The following ALDOB variants were observed in gnomAD, a reference collection of about 807,000 sequenced individuals.
ALDOB encodes fructose-bisphosphate aldolase B.
ALDOB carries 39 observed loss-of-function variants against 41.0 expected under a neutral mutation model. The observed-to-expected ratio is 0.95, with a 90% CI of 0.74 to 1.24. The LOEUF is 1.24. ALDOB is among the 50% of genes most tolerant of loss of function. The probability of loss-of-function intolerance (pLI) is 0.00; values close to 1 mark genes in which losing one functional copy is unlikely to be tolerated. For synonymous variants in ALDOB, 175 were observed against 168.8 expected, an observed-to-expected ratio of 1.04 and a Z score of -0.28; for missense variants, 530 against 457.3, an observed-to-expected ratio of 1.16 and a Z score of -1.45.
chr9:101,428,901 C>T (rs1381976628), intron 3 of ALDOB, among the ~76,000 whole-genome samples: 1 of 152,184 alleles, frequency 6.6e-6, no homozygotes, highest in African/African-American at 2.4e-5. Context: ...GTTCAGTTTT[C>T]TCACTTCATC....
At chr9:101,431,338 G>A (rs1484839664) in intron 1 of ALDOB, among the ~76,000 whole-genome samples, 1 of 152,320 alleles carries the variant, frequency 6.6e-6, no homozygotes, top group East Asian at 1.9e-4. Flanking sequence ...TGCTCTGTTA[G>A]TCTGTAGTTC....
chr9:101,425,008 C>G lies in ALDOB; in HGVS notation c.834G>C (p.Glu278Asp). ...ICFLSGGMSE[E>D]DATLNLNAIN... ...TAGCATTGAGGTTGAGAGTGGCATC[C>G]TCTTCACTCATGCCACCAGACAAAA... Residue 278 changes from glutamate to aspartate, a missense_variant, in exon 8 of 9, where the codon GAG (glutamate) becomes GAC (aspartate). By Grantham distance (45) the Glu-to-Asp change is conservative. Coordinates refer to ENST00000647789, the MANE Select transcript of ALDOB (RefSeq NM_000035.4). The G allele has an allele frequency of 2.5e-6, 4 of 1,614,202 alleles. No individual in the cohort carries two copies. Among genetic ancestry groups the G allele is most frequent in the East Asian group, 2.2e-5 (1 of 44,882 alleles).
intron 1 of ALDOB, among the ~76,000 whole-genome samples, chr9:101,432,573 C>CAAT (rs1588173340): frequency 6.6e-6 from 1 of 151,944 alleles, no homozygotes; most frequent in Admixed American, 6.6e-5. Context: ...AAAATCAGCC[C>CAAT]AATAATAATA....
At chr9:101,434,191 C>T (rs959318225) in intron 1 of ALDOB, among the ~76,000 whole-genome samples, 33 of 152,168 alleles carry the variant, frequency 2.2e-4, no homozygotes, top group Non-Finnish European at 4.6e-4. Flanking sequence ...AAAAACAGAG[C>T]TACAAATGAC....
chr9:101,425,029 C>G lies in ALDOB; in HGVS notation c.813G>C (p.Leu271Phe). The change falls in exon 8 of 9, where the codon TTG becomes TTC. Residue 271 changes from leucine to phenylalanine, a missense_variant. By Grantham distance (22) the Leu-to-Phe change is conservative. Transcript: ENST00000647789. ...CATCCTCTTCACTCATGCCACCAGACAAAAAGCAGATGCCTGGTAGGAGAG... is the reference window on the plus strand; with the variant it reads ...CATCCTCTTCACTCATGCCACCAGAGAAAAAGCAGATGCCTGGTAGGAGAG... The part of the protein sequence containing the change: ...VPAAVPGICF[L>F]SGGMSEEDAT... 6.2e-7 allele frequency: 1 copy of G among 1,614,188 alleles called. No individual in the cohort carries two copies. Among genetic ancestry groups the G allele is most frequent in the Non-Finnish European group, 8.5e-7 (1 of 1,180,036 alleles).
chr9:101,433,113 G>T (rs940317568), intron 1 of ALDOB, among the ~76,000 whole-genome samples: 8 of 152,166 alleles, frequency 5.3e-5, no homozygotes, highest in African/African-American at 1.9e-4. Context: ...TGCCATCTAT[G>T]AGCACCCTGC....
At position 101,421,159 on chromosome 9, in the gene ALDOB, ATAGT is replaced by A. The variant is rs768345214; in HGVS notation, c.*646_*649del. 2 of 153,146 alleles carry A rather than the reference ATAGT, an allele frequency of 1.3e-5. No individual in the cohort carries two copies. The highest frequency in any genetic ancestry group is 2.9e-5 in the Non-Finnish European group (2 of 68,722). 9.5% of individuals were successfully genotyped at this position (153,146 alleles called of 1,614,324 possible). On this transcript the variant is annotated 3_prime_UTR_variant, in exon 9 of 9. Transcript: ENST00000647789. ...TACTGAGGGAGCTTTAAGAAATCTAATAGTTAGAGGATCCCAAGTCTAGGGTTTC... is the reference window on the plus strand; with the variant it reads ...TACTGAGGGAGCTTTAAGAAATCTAATAGAGGATCCCAAGTCTAGGGTTTC...
At position 101,428,500 on chromosome 9, in the gene ALDOB, A is replaced by G. The variant is rs1318756245; in HGVS notation, c.348T>C (p.Leu116=). Residue 116 remains leucine, a synonymous_variant, in exon 4 of 9, where the codon CTT becomes CTC. Transcript: ENST00000647789. ...GIKLDQGGAP[L]AGTNKETTIQ... Reference sequence around the variant, plus strand: ...TGGTGGTTTCTTTGTTTGTTCCTGCAAGAGGAGCACCTCCTTGGTCTAACT... The same window carrying G: ...TGGTGGTTTCTTTGTTTGTTCCTGCGAGAGGAGCACCTCCTTGGTCTAACT... 6.2e-7 allele frequency: 1 copy of G among 1,613,934 alleles called. No homozygotes were observed.
At chr9:101,433,269 G>C (rs1831245550) in intron 1 of ALDOB, among the ~76,000 whole-genome samples, 1 of 151,914 alleles carries the variant, frequency 6.6e-6, no homozygotes, top group Non-Finnish European at 1.5e-5. Flanking sequence ...TCTGTTTACT[G>C]CCTATTACTA....
rs370761101 is a variant in ALDOB, at chr9:101,429,909, C to A, written c.170G>T (p.Arg57Leu). The change falls in exon 3 of 9, where the codon CGG becomes CTG. Residue 57 changes from arginine to leucine, a missense_variant. Coordinates refer to ENST00000647789, the MANE Select transcript of ALDOB (RefSeq NM_000035.4). ...AGAGAAGAGGATTTCTCGGAACTGC[C>A]GGCGGTTCTCTTCAGTGTTTTCCAC... is the stretch of plus-strand genomic sequence containing the variant. Reference protein sequence around the residue: ...IKVENTEENRRQFREILFSVD... With the variant: ...IKVENTEENRLQFREILFSVD... 1 of 1,614,058 alleles carries A rather than the reference C, an allele frequency of 6.2e-7. No homozygotes were observed. Among genetic ancestry groups the A allele is most frequent in the South Asian group, 1.1e-5 (1 of 91,064 alleles).
intron 8 of ALDOB, among the ~76,000 whole-genome samples, chr9:101,423,032 C>T (rs1831071573): frequency 6.6e-6 from 1 of 152,218 alleles, no homozygotes; most frequent in Non-Finnish European, 1.5e-5. Context: ...ATGACCTGCG[C>T]TTTCACAATC....
In ALDOB at chr9:101,429,807, C is replaced by T. The variant is rs1470738631; in HGVS notation, c.272G>A (p.Gly91Glu). The change falls in exon 3 of 9, where the codon GGA becomes GAA. Residue 91 changes from glycine to glutamate, a missense_variant. Transcript: ENST00000647789. ...HETLYQKDSQ[G>E]KLFRNILKEK... The stretch of plus-strand genomic sequence containing the variant: ...CTTGAGGATGTTTCTGAACAGCTTT[C>T]CCTGGCTGTCCTTCTGGTAGAGGGT... The T allele has an allele frequency of 1.9e-6, 3 of 1,614,146 alleles. No individual in the cohort carries two copies. Among genetic ancestry groups the T allele is most frequent in the Non-Finnish European group, 2.5e-6 (3 of 1,180,028 alleles).
chr9:101,428,641 A>C (rs1200927157), intron 3 of ALDOB, 118 bp from the exon 4 acceptor site: 8 of 889,038 alleles, frequency 9.0e-6, no homozygotes, highest in Admixed American at 1.7e-5. Context: ...AAAGTGTATT[A>C]GTGCGAGGGA....
chr9:101,427,339 A>G (rs1831146058), intron 5 of ALDOB, 143 bp downstream of exon 5: 1 of 1,054,014 alleles, frequency 9.5e-7, no homozygotes, highest in Non-Finnish European at 1.4e-6. Flanking sequence ...ACAGTTGGCT[A>G]TAGCAAAAGT....
chr9:101,421,929 G>C, intron 8 of ALDOB, 25 bp from the exon 9 acceptor site: 6 of 1,592,846 alleles, frequency 3.8e-6, no homozygotes, highest in Non-Finnish European at 5.2e-6. Flanking sequence ...TGAGAGAGGA[G>C]ACTGGTTAGA....
intron 1 of ALDOB, among the ~76,000 whole-genome samples, chr9:101,433,128 T>C (rs1167189491): frequency 6.6e-6 from 1 of 152,246 alleles, no homozygotes; most frequent in East Asian, 1.9e-4. Context: ...CCCTGCTCAT[T>C]GTAGTTGCTC....
In ALDOB at chr9:101,435,718, G is replaced by C. The variant is rs974344427; in HGVS notation, c.-20C>G. On this transcript the variant is annotated 5_prime_UTR_variant, in exon 1 of 9. Coordinates refer to ENST00000647789, the MANE Select transcript of ALDOB (RefSeq NM_000035.4). Reference sequence around the variant, plus strand: ...AAGCTTTTTTACTTACAGTTTGGGAGAGAAGAGTCCTCCTAGATATCAAAA... The same window carrying C: ...AAGCTTTTTTACTTACAGTTTGGGACAGAAGAGTCCTCCTAGATATCAAAA... 1.3e-5 allele frequency: 2 copies of C among 152,148 alleles called. No individual in the cohort carries two copies. The highest frequency in any genetic ancestry group is 4.8e-5 in the African/African-American group (2 of 41,430). The allele number at this position is 152,148 out of a possible 1,614,324, so 9.4% of individuals were successfully genotyped here.
intron 5 of ALDOB, among the ~76,000 whole-genome samples, chr9:101,426,964 G>C (rs1430607144): frequency 6.6e-6 from 1 of 152,066 alleles, no homozygotes; most frequent in Non-Finnish European, 1.5e-5. Context: ...GTTCTAATTG[G>C]GGATCTCCAG....
At chr9:101,433,481 C>A (rs1266415139) in intron 1 of ALDOB, among the ~76,000 whole-genome samples, 1 of 152,170 alleles carries the variant, frequency 6.6e-6, no homozygotes. Context: ...GGAGGACAAC[C>A]TGGGATGGGT....
Sources: allele counts gnomAD v4.1 joint callset (sites outside exome capture counted in the v4.1 genomes callset), GRCh38; gene constraint gnomAD v4.1.1; transcripts MANE v1.5; gene names NCBI Gene and HGNC (gene_info 2026-07-23, HGNC 2026-07-21).